Variants in RIC8B observed in about 807,000 individuals in gnomAD.
RIC8B encodes the protein RIC8 guanine nucleotide exchange factor B, also known as chaperone Ric-8B.
In RIC8B, 16 loss-of-function variants were observed where a neutral mutation model predicts 57.5. The ratio of observed to expected loss-of-function variants is 0.28; its 90% confidence interval spans 0.19 to 0.42. The LOEUF (loss-of-function observed/expected upper bound fraction) is 0.42, where lower values mean the gene tolerates loss of function less well. RIC8B is among the 10% of genes least tolerant of loss of function. RIC8B has a pLI of 1.00. For missense variants in RIC8B, 481 were observed against 677.0 expected, an observed-to-expected ratio of 0.71 and a Z score of 3.21; for synonymous variants, 216 against 250.8, an observed-to-expected ratio of 0.86 and a Z score of 1.31.
chr12:106,856,917 GA>G (rs1277353856), intron 7 of RIC8B, among the ~76,000 whole-genome samples: 5 of 152,194 alleles, frequency 3.3e-5, no homozygotes, highest in Non-Finnish European at 5.9e-5. Flanking sequence ...TGGCAACCTG[GA>G]AGAGGGAATG....
chr12:106,874,775 A>T (rs1048778091), intron 9 of RIC8B, among the ~76,000 whole-genome samples: 3 of 152,148 alleles, frequency 2.0e-5, no homozygotes, highest in Non-Finnish European at 2.9e-5. Flanking sequence ...TAGTGCTCAG[A>T]TATTTTCTTC....
At chr12:106,842,483 A>G (rs923203724) in intron 4 of RIC8B, 106 bp from the exon 5 acceptor site, 2 of 850,916 alleles carry the variant, frequency 2.4e-6, no homozygotes, top group Non-Finnish European at 3.6e-6. Context: ...GAAAAGAAAT[A>G]TTTTAATTGA....
chr12:106,802,125 C>T (rs952529827), intron 2 of RIC8B, among the ~76,000 whole-genome samples: 6 of 152,160 alleles, frequency 3.9e-5, no homozygotes, highest in African/African-American at 1.2e-4. Context: ...ACAAAAATTC[C>T]TTTGACATCT....
Position 106,879,612 on chromosome 12 carries a change from T to C in RIC8B, c.1572-6292T>C. 2 of 985,366 alleles carry C rather than the reference T, an allele frequency of 2.0e-6. No individual in the cohort carries two copies. The highest frequency in any genetic ancestry group is 1.2e-6 in the Non-Finnish European group (1 of 829,900). 61.0% of individuals were successfully genotyped at this position (985,366 alleles called of 1,614,324 possible). ...CATCCCTAGCTCTTTAAGAAATTAT[T>C]TTTTTGGTTTCCATTAGCAGTCCCA... is the stretch of plus-strand genomic sequence containing the variant. On this transcript the variant is annotated intron_variant, in intron 9 of 9. Transcript: ENST00000392837. The surrounding 1 kb of genome is among the most constrained non-coding windows in gnomAD (Gnocchi z 4.9).
intron 2 of RIC8B, 43 bp from the exon 3 acceptor site, chr12:106,814,653 T>G (rs1212452213): frequency 6.5e-7 from 1 of 1,538,922 alleles, no homozygotes; most frequent in East Asian, 2.3e-5. Flanking sequence ...TTAAGTCATT[T>G]GAGCCAAATA....
chr12:106,796,401 T>C lies in RIC8B; in HGVS notation c.132+12357T>C, dbSNP rs145623179. ...CCATCTCTAAAAAGAAAAAAGAAATTGCTACAAAGCAGTAATAACCAAGGC... is the reference window on the plus strand; with the variant it reads ...CCATCTCTAAAAAGAAAAAAGAAATCGCTACAAAGCAGTAATAACCAAGGC... On this transcript the variant is annotated intron_variant, in intron 2 of 9. Transcript: ENST00000392837. Among the ~76,000 whole-genome samples the C allele has an allele frequency of 2.0e-3, 299 of 151,850 alleles. 1 individual carries two copies. Among genetic ancestry groups the C allele is most frequent in the African/African-American group, 6.5e-3 (270 of 41,396 alleles).
At chr12:106,810,024 ATATTTAT>A (rs143809901) in intron 2 of RIC8B, among the ~76,000 whole-genome samples, 4,831 of 151,430 alleles carry the variant, frequency 0.032, 238 homozygotes, top group African/African-American at 0.11. Context: ...GAAATAAAAC[ATATTTAT>A]TATTTATTAT....
chr12:106,868,087 T>C (rs966933395), intron 8 of RIC8B, among the ~76,000 whole-genome samples: 1 of 152,216 alleles, frequency 6.6e-6, no homozygotes, highest in South Asian at 2.1e-4. Context: ...AGACTTAATT[T>C]CCACCAAGCT....
intron 2 of RIC8B, among the ~76,000 whole-genome samples, chr12:106,790,327 T>G (rs2044214040): frequency 2.6e-5 from 4 of 152,248 alleles, no homozygotes. Context: ...TTTAGGTAAC[T>G]AGATTTAAGT....
chr12:106,814,707 A>G lies in RIC8B; in HGVS notation c.144A>G (p.Glu48=), dbSNP rs376250596. Reference sequence around the variant, plus strand: ...TTCTTGTTTTTCAGAAACTCTGTGAAGGCATATTTAAAGTCCTTATAAAGG... The same window carrying G: ...TTCTTGTTTTTCAGAAACTCTGTGAGGGCATATTTAAAGTCCTTATAAAGG... ...TDEDKRKKLC[E]GIFKVLIKDI... Residue 48 remains glutamate (E), a synonymous_variant, in exon 3 of 10, where the codon GAA becomes GAG. Coordinates refer to ENST00000392837, the MANE Select transcript of RIC8B (RefSeq NM_001330145.2). 14 of 1,590,304 alleles carry G rather than the reference A, an allele frequency of 8.8e-6. No individual in the cohort carries two copies. The highest frequency in any genetic ancestry group is 1.2e-5 in the Non-Finnish European group (14 of 1,169,958).
chr12:106,872,909 C>A, intron 9 of RIC8B: 1 of 494,248 alleles, frequency 2.0e-6, no homozygotes, highest in Non-Finnish European at 2.6e-6. Context: ...GAAATAACTG[C>A]CTAAGACTAC....
At chr12:106,849,500 G>A (rs1949366227) in intron 6 of RIC8B, among the ~76,000 whole-genome samples, 1 of 150,640 alleles carries the variant, frequency 6.6e-6, no homozygotes, top group African/African-American at 2.4e-5. Flanking sequence ...ATACTGTATG[G>A]TACACATACA....
chr12:106,783,789 C>T (rs1168732964), intron 1 of RIC8B, among the ~76,000 whole-genome samples: 2 of 152,160 alleles, frequency 1.3e-5, no homozygotes, highest in African/African-American at 2.4e-5. Flanking sequence ...GTTTGCTGTG[C>T]TCCTTTGTAT....
chr12:106,792,659 C>T (rs184637319), intron 2 of RIC8B, among the ~76,000 whole-genome samples: 84 of 152,166 alleles, frequency 5.5e-4, no homozygotes, highest in Admixed American at 1.5e-3. Flanking sequence ...AAAAGTGGGC[C>T]GGATGCTGTG....
At chr12:106,795,713 G>A (rs1468825933) in intron 2 of RIC8B, among the ~76,000 whole-genome samples, 1 of 152,136 alleles carries the variant, frequency 6.6e-6, no homozygotes, top group Non-Finnish European at 1.5e-5. Context: ...TCTGCAGCTC[G>A]ATTTTACAGG....
At chr12:106,813,378 GACGGGGTTCCACC>G (rs1355582060) in intron 2 of RIC8B, among the ~76,000 whole-genome samples, 1 of 151,918 alleles carries the variant, frequency 6.6e-6, no homozygotes, top group Non-Finnish European at 1.5e-5. Flanking sequence ...TTTTAGTAGA[GACGGGGTTCCACC>G]ACGTTAGCCA....
intron 3 of RIC8B, 93 bp downstream of exon 3, chr12:106,815,397 A>C (rs777500849): frequency 1.7e-4 from 241 of 1,395,726 alleles, no homozygotes; most frequent in Non-Finnish European, 2.2e-4. Flanking sequence ...CAAGTTGGGA[A>C]ATGGAAAAAG....
At position 106,803,205 on chromosome 12, in the gene RIC8B, T is replaced by C. The variant is rs1414101710; in HGVS notation, c.133-11491T>C. Among the ~76,000 whole-genome samples the C allele has an allele frequency of 5.9e-5, 6 of 102,044 alleles. No individual in the cohort carries two copies. The East Asian group carries it at 1.7e-3, about 29-fold the overall frequency. 66.9% of individuals were successfully genotyped at this position (102,044 alleles called of 152,430 possible). ...CCAGCCTGGGTGACAAGAGTGATGATACCCTGTCTCAAAAAAAAAAAAAAA... is the reference window on the plus strand; with the variant it reads ...CCAGCCTGGGTGACAAGAGTGATGACACCCTGTCTCAAAAAAAAAAAAAAA... On this transcript the variant is annotated intron_variant, in intron 2 of 9. Transcript: ENST00000392837.
intron 6 of RIC8B, among the ~76,000 whole-genome samples, chr12:106,846,127 A>G (rs1949176658): frequency 6.6e-6 from 1 of 152,180 alleles, no homozygotes; most frequent in Admixed American, 6.5e-5. Context: ...TCAAATTTAT[A>G]TCTCCAGCCC....
Sources: allele counts gnomAD v4.1 joint callset (sites outside exome capture counted in the v4.1 genomes callset), GRCh38; gene constraint gnomAD v4.1.1; non-coding constraint Gnocchi (gnomAD v3.1); transcripts MANE v1.5; gene names NCBI Gene and HGNC (gene_info 2026-07-23, HGNC 2026-07-21).